Variants in MAVS observed in about 807,000 individuals in gnomAD.
The protein encoded by MAVS is mitochondrial antiviral-signaling protein.
Under a neutral mutation model 30.2 loss-of-function variants are expected in MAVS, and 20 were observed. The observed-to-expected ratio is 0.66, with a 90% CI of 0.47 to 0.96. The LOEUF (loss-of-function observed/expected upper bound fraction) is 0.96. MAVS is among the 40% of genes least tolerant of loss of function. The pLI is 0.00. For missense variants in MAVS, 624 were observed against 701.1 expected (o/e 0.89, Z 1.24); for synonymous variants, 278 against 293.9 (o/e 0.95, Z 0.55).
chr20:3,872,570 CA>C lies in MAVS; in HGVS notation c.*6425del, dbSNP rs1253306831. Reference sequence around the variant, plus strand: ...CAGGGATGTTATGACAATATGATTACAACTATCACGTGTGTGCCCAGCCAGG... The same window carrying C: ...CAGGGATGTTATGACAATATGATTACACTATCACGTGTGTGCCCAGCCAGG... On this transcript the variant is annotated 3_prime_UTR_variant, in exon 7 of 7. Transcript: ENST00000428216. 4 of 152,286 alleles carry C rather than the reference CA, an allele frequency of 2.6e-5. No individual in the cohort carries two copies. The East Asian group carries it at 7.5e-4, about 29-fold the overall frequency. The allele number at this position is 152,286 out of a possible 1,614,324, so 9.4% of individuals were successfully genotyped here.
At chr20:3,848,321 A>T (rs2089727173) in intron 1 of MAVS, among the ~76,000 whole-genome samples, 1 of 151,918 alleles carries the variant, frequency 6.6e-6, no homozygotes, top group African/African-American at 2.4e-5. Flanking sequence ...CTGGTCTCAA[A>T]CTCCTGACCT....
At chr20:3,857,546 C>A in intron 2 of MAVS, 89 bp from the exon 3 acceptor site, 6 of 1,444,788 alleles carry the variant, frequency 4.2e-6, no homozygotes, top group Non-Finnish European at 5.5e-6. Context: ...GCTTTCTTGG[C>A]ACCCCTCCCC....
rs1444724184 is a variant in MAVS, at chr20:3,871,117, G to C, written c.*4970G>C. On this transcript the variant is annotated 3_prime_UTR_variant, in exon 7 of 7. Transcript: ENST00000428216. The stretch of plus-strand genomic sequence containing the variant: ...GCTGGTCTCGAACTCCTGACCTCAA[G>C]TGATCCGCCCGCCTTGGCCTCCCAA... 1 of 153,774 alleles carries C rather than the reference G, an allele frequency of 6.5e-6. No homozygotes were observed. The highest frequency in any genetic ancestry group is 1.5e-5 in the Non-Finnish European group (1 of 68,092). The allele number at this position is 153,774 out of a possible 1,614,324, so 9.5% of individuals were successfully genotyped here. A position where few individuals can be genotyped will look rare whatever the true frequency, so the allele number is the denominator to read the frequency against.
At chr20:3,847,590 A>T (rs746647631) in intron 1 of MAVS, among the ~76,000 whole-genome samples, 24 of 152,226 alleles carry the variant, frequency 1.6e-4, no homozygotes, top group Non-Finnish European at 2.5e-4. Context: ...GGAAGCCGTG[A>T]AGCCTCAAAA....
Position 3,874,469 on chromosome 20 carries a change from A to C in MAVS, c.*8322A>C. 2.7e-6 allele frequency: 1 copy of C among 372,312 alleles called. No individual in the cohort carries two copies. Among genetic ancestry groups the C allele is most frequent in the Non-Finnish European group, 4.8e-6 (1 of 209,314 alleles). 23.1% of individuals were successfully genotyped at this position (372,312 alleles called of 1,614,324 possible). On this transcript the variant is annotated 3_prime_UTR_variant, in exon 7 of 7. Coordinates refer to ENST00000428216, the MANE Select transcript of MAVS (RefSeq NM_020746.5). Reference sequence around the variant, plus strand: ...TGATTGCTTGTATTTGGCAGGGGTCAAAGGCAGGCAGGGACTGTGAAATGT... The same window carrying C: ...TGATTGCTTGTATTTGGCAGGGGTCCAAGGCAGGCAGGGACTGTGAAATGT...
intron 1 of MAVS, among the ~76,000 whole-genome samples, chr20:3,849,196 T>C (rs1425171460): frequency 6.6e-6 from 1 of 151,234 alleles, no homozygotes; most frequent in Non-Finnish European, 1.5e-5. Context: ...CCCCTTTCCC[T>C]AGCTTGCTTG....
At chr20:3,856,167 G>C (rs1351825504) in intron 2 of MAVS, among the ~76,000 whole-genome samples, 1 of 151,256 alleles carries the variant, frequency 6.6e-6, no homozygotes, top group Non-Finnish European at 1.5e-5. Flanking sequence ...CCATTCTCCT[G>C]CCTCAGCCTC....
chr20:3,867,453 C>A lies in MAVS; in HGVS notation c.*1306C>A. The A allele has an allele frequency of 5.4e-6, 1 of 184,062 alleles. No homozygotes were observed. Among genetic ancestry groups the A allele is most frequent in the South Asian group, 1.0e-4 (1 of 9,850 alleles). The allele number at this position is 184,062 out of a possible 1,614,324, so 11.4% of individuals were successfully genotyped here. ...TCTACAAAAAAGTTTAAAAAATTAGCCAGGCGTGGTGGTGCACCTGTCGTC... is the reference window on the plus strand; with the variant it reads ...TCTACAAAAAAGTTTAAAAAATTAGACAGGCGTGGTGGTGCACCTGTCGTC... On this transcript the variant is annotated 3_prime_UTR_variant, in exon 7 of 7. Coordinates refer to ENST00000428216, the MANE Select transcript of MAVS (RefSeq NM_020746.5).
At chr20:3,852,007 TC>T (rs763081981) in intron 1 of MAVS, among the ~76,000 whole-genome samples, 15 of 57,100 alleles carry the variant, frequency 2.6e-4, no homozygotes, top group Admixed American at 9.8e-4. Flanking sequence ...TTTTTTTTTT[TC>T]CCCCGAGACG....
At position 3,865,611 on chromosome 20, in the gene MAVS, A is replaced by T. The variant is rs2089899741; in HGVS notation, c.1159-72A>T. The T allele has an allele frequency of 7.2e-7, 1 of 1,393,482 alleles. No individual in the cohort carries two copies. The highest frequency in any genetic ancestry group is 9.7e-7 in the Non-Finnish European group (1 of 1,035,020). 86.3% of individuals were successfully genotyped at this position (1,393,482 alleles called of 1,614,324 possible). A position where few individuals can be genotyped will look rare whatever the true frequency, so the allele number is the denominator to read the frequency against. On this transcript the variant is annotated intron_variant, in intron 6 of 6. Coordinates refer to ENST00000428216, the MANE Select transcript of MAVS (RefSeq NM_020746.5). This position sits in a 1 kb window ranked among gnomAD's most constrained non-coding sequence, Gnocchi z 4.7. ...GTGTTAGTTCATGCCCTGGCCTGGG[A>T]ATGGGACCGCCCTACCAGGTTCGTC...
rs567363386 is a variant in MAVS at position 3,868,079 on chromosome 20, C to T, written c.*1932C>T. 2.6e-5 allele frequency: 4 copies of T among 152,460 alleles called. 1 individual carries two copies. Among genetic ancestry groups the T allele is most frequent in the African/African-American group, 9.6e-5 (4 of 41,548 alleles). The allele number at this position is 152,460 out of a possible 1,614,324, so 9.4% of individuals were successfully genotyped here. A position where few individuals can be genotyped will look rare whatever the true frequency, so the allele number is the denominator to read the frequency against. On this transcript the variant is annotated 3_prime_UTR_variant, in exon 7 of 7. Transcript: ENST00000428216. ...ACTCCACTGCCCTAGGGGAGTTCAG[C>T]AACCTAATGATCTCTATCTCTGAAC...
intron 2 of MAVS, 130 bp downstream of exon 2, chr20:3,854,871 T>G: frequency 1.9e-6 from 1 of 538,328 alleles, no homozygotes; most frequent in Non-Finnish European, 3.2e-6. Flanking sequence ...TGTGTCTTGC[T>G]CCTTGTCCTT....
chr20:3,849,416 G>T (rs983983975), intron 1 of MAVS, among the ~76,000 whole-genome samples: 1 of 152,024 alleles, frequency 6.6e-6, no homozygotes, highest in Non-Finnish European at 1.5e-5. Flanking sequence ...TGTTGGCGAG[G>T]CTGGTCTCAA....
intron 3 of MAVS, among the ~76,000 whole-genome samples, chr20:3,859,930 C>CCT (rs1186403165): frequency 3.3e-5 from 5 of 151,880 alleles, no homozygotes; most frequent in African/African-American, 1.2e-4. Flanking sequence ...CATTCTCCTG[C>CCT]CTCAGCCTCC....
In MAVS at chr20:3,867,849, C is replaced by T. The variant is rs539526257; in HGVS notation, c.*1702C>T. 2 of 152,316 alleles carry T rather than the reference C, an allele frequency of 1.3e-5. No individual in the cohort carries two copies. Among genetic ancestry groups the T allele is most frequent in the Non-Finnish European group, 2.9e-5 (2 of 68,092 alleles). The allele number at this position is 152,316 out of a possible 1,614,324, so 9.4% of individuals were successfully genotyped here. ...TTGGGGAGATTATCTACAATAACAC[C>T]AGAAACACATTGGGGTGGATTGGGG... On this transcript the variant is annotated 3_prime_UTR_variant, in exon 7 of 7. Coordinates refer to ENST00000428216, the MANE Select transcript of MAVS (RefSeq NM_020746.5).
chr20:3,859,726 G>A (rs866227870), intron 3 of MAVS, among the ~76,000 whole-genome samples: 39 of 151,956 alleles, frequency 2.6e-4, no homozygotes, highest in Middle Eastern at 3.4e-3. Context: ...AGAGACCCAC[G>A]AGGCCCCCCC....
At chr20:3,855,395 C>T (rs2146762359) in intron 2 of MAVS, among the ~76,000 whole-genome samples, 1 of 152,242 alleles carries the variant, frequency 6.6e-6, no homozygotes, top group East Asian at 1.9e-4. Flanking sequence ...AGTTTTGATT[C>T]CATTCTCCTT....
chr20:3,868,933 T>C lies in MAVS; in HGVS notation c.*2786T>C, dbSNP rs757302806. The C allele has an allele frequency of 5.3e-5, 8 of 152,312 alleles. No homozygotes were observed. Among genetic ancestry groups the C allele is most frequent in the African/African-American group, 1.7e-4 (7 of 41,452 alleles). 9.4% of individuals were successfully genotyped at this position (152,312 alleles called of 1,614,324 possible). On this transcript the variant is annotated 3_prime_UTR_variant, in exon 7 of 7. Coordinates refer to ENST00000428216, the MANE Select transcript of MAVS (RefSeq NM_020746.5). ...CACAGTAACCAGCCATGATGGGAGA[T>C]ACCCTGGGTAAGGCATGTAGAAAGG...
Position 3,857,839 on chromosome 20 carries a change from C to A in MAVS, c.292+30C>A, listed in dbSNP as rs747971254. ...GCGTCCTGCCCTTGCCCTCCTGGAC[C>A]CCCAGCCTGCTCCCTGGCCTCCGCT... is the stretch of plus-strand genomic sequence containing the variant. On this transcript the variant is annotated intron_variant, in intron 3 of 6. Coordinates refer to ENST00000428216, the MANE Select transcript of MAVS (RefSeq NM_020746.5). 3.7e-6 allele frequency: 6 copies of A among 1,611,968 alleles called. No homozygotes were observed. The South Asian group carries it at 5.5e-5, about 15-fold the overall frequency.
Sources: gnomAD v4.1 joint callset for allele counts (sites outside exome capture counted in the v4.1 genomes callset) on GRCh38, gnomAD v4.1.1 for gene constraint, Gnocchi (gnomAD v3.1) non-coding constraint, MANE v1.5 for transcripts, NCBI Gene and HGNC (gene_info 2026-07-23, HGNC 2026-07-21) for gene names.